HSPA9: variants seen among roughly 807,000 people sequenced by gnomAD.
The protein encoded by HSPA9 is heat shock protein family A (Hsp70) member 9, also known as stress-70 protein, mitochondrial.
HSPA9 carries 28 observed loss-of-function variants against 81.5 expected under a neutral mutation model. That is an observed-to-expected ratio of 0.34 (90% CI 0.25 to 0.47). The LOEUF (loss-of-function observed/expected upper bound fraction) is 0.47, where lower values mean the gene tolerates loss of function less well. Ranked by LOEUF, HSPA9 falls within the 20% of genes least tolerant of loss-of-function variation. The pLI is 1.00. For synonymous variants in HSPA9, 293 were observed against 290.4 expected, an observed-to-expected ratio of 1.01 and a Z score of -0.09; for missense variants, 678 against 838.0, an observed-to-expected ratio of 0.81 and a Z score of 2.36.
chr5:138,563,069 G>A (rs1050049536), intron 9 of HSPA9, among the ~76,000 whole-genome samples: 6 of 152,168 alleles, frequency 3.9e-5, no homozygotes, highest in African/African-American at 1.4e-4. Flanking sequence ...AATAAATAGA[G>A]TTAACACACC....
chr5:138,567,895 C>A (rs1750798839), intron 5 of HSPA9, among the ~76,000 whole-genome samples, 173 bp from the exon 6 acceptor site: 1 of 152,140 alleles, frequency 6.6e-6, no homozygotes. Flanking sequence ...GTTAAAAACC[C>A]AAGATCAGGC....
rs760939341 is a variant in HSPA9 at position 138,575,374 on chromosome 5, T to A, written c.-56A>T. On this transcript the variant is annotated 5_prime_UTR_variant, in exon 1 of 17. Coordinates refer to ENST00000297185, the MANE Select transcript of HSPA9 (RefSeq NM_004134.7). ...AACAAGCGCTCCGACGGCAAAGAGC[T>A]GCGCGATGCGGTGGCGGCAGCGCTT... 48 of 1,434,984 alleles carry A rather than the reference T, an allele frequency of 3.3e-5. No homozygotes were observed. The highest frequency in any genetic ancestry group is 4.5e-5 in the Non-Finnish European group (46 of 1,024,076). 88.9% of individuals were successfully genotyped at this position (1,434,984 alleles called of 1,614,324 possible).
At chr5:138,560,742 G>A (rs942367803) in intron 10 of HSPA9, 8 of 304,966 alleles carry the variant, frequency 2.6e-5, no homozygotes, top group Non-Finnish European at 5.2e-5. Context: ...TAGAGACAGG[G>A]TTTCACCGTG....
At chr5:138,572,015 G>C (rs1750915211) in intron 3 of HSPA9, among the ~76,000 whole-genome samples, 3 of 137,946 alleles carry the variant, frequency 2.2e-5, no homozygotes, top group South Asian at 4.7e-4. Flanking sequence ...GGAGTGCAGT[G>C]GCACTGTCAC....
chr5:138,561,153 T>C (rs571845107), intron 10 of HSPA9: 1 of 450,170 alleles, frequency 2.2e-6, no homozygotes, highest in Admixed American at 2.2e-5. Flanking sequence ...AAGACACATG[T>C]ACAAAGATGG....
At position 138,555,138 on chromosome 5, in the gene HSPA9, T is replaced by G. The variant is rs1209989260; in HGVS notation, c.*899A>C. On this transcript the variant is annotated 3_prime_UTR_variant, in exon 17 of 17. Transcript: ENST00000297185. ...GTACCAAAGGTCTAAGGGGAGAAAA[T>G]AAAATCCTTCAAACAAGATTTGCAC... The G allele has an allele frequency of 6.6e-6, 1 of 152,104 alleles. No individual in the cohort carries two copies. Among genetic ancestry groups the G allele is most frequent in the Non-Finnish European group, 1.5e-5 (1 of 68,008 alleles). 9.4% of individuals were successfully genotyped at this position (152,104 alleles called of 1,614,324 possible).
chr5:138,571,558 C>T (rs528532942), intron 3 of HSPA9, among the ~76,000 whole-genome samples: 1 of 152,034 alleles, frequency 6.6e-6, no homozygotes, highest in African/African-American at 2.4e-5. Flanking sequence ...TGCACATCAA[C>T]AATACTACCG....
intron 10 of HSPA9, 122 bp from the exon 11 acceptor site, chr5:138,560,213 ATGTT>A: frequency 1.4e-6 from 1 of 737,236 alleles, no homozygotes; most frequent in South Asian, 1.5e-5. Context: ...AAATCTGAGA[ATGTT>A]TATTCAAATA....
At chr5:138,574,641 T>C (rs1239683042) in intron 1 of HSPA9, 1 of 168,980 alleles carries the variant, frequency 5.9e-6, no homozygotes, top group Admixed American at 5.8e-5. Context: ...CCTTCCTTAA[T>C]GCCCACATAC....
At chr5:138,559,617 TGGA>T (rs765131670) in intron 11 of HSPA9, 2 of 470,562 alleles carry the variant, frequency 4.3e-6, no homozygotes, top group Non-Finnish European at 3.9e-6. Flanking sequence ...GTTAATCCTG[TGGA>T]GGAGACTACT....
intron 15 of HSPA9, 55 bp from the exon 16 acceptor site, chr5:138,556,647 A>G (rs968003320): frequency 8.7e-5 from 138 of 1,592,434 alleles, no homozygotes; most frequent in Non-Finnish European, 1.2e-4. Flanking sequence ...TACCATTACA[A>G]GTAGAAGTAC....
rs565491425 is a variant in HSPA9, at chr5:138,561,902, G to A, written c.973-113C>T. 2.6e-4 allele frequency: 211 copies of A among 808,054 alleles called. No homozygotes were observed. In the East Asian group the frequency reaches 5.3e-3, roughly 20 times the overall value. 50.1% of individuals were successfully genotyped at this position (808,054 alleles called of 1,614,324 possible). A position where few individuals can be genotyped will look rare whatever the true frequency, so the allele number is the denominator to read the frequency against. On this transcript the variant is annotated intron_variant, in intron 9 of 16. Transcript: ENST00000297185. ...AGGACAGAAGACTTGCAAAACCAAA[G>A]GGAGGGTGAGATCTAATTTAAATGA...
rs780058488 is a variant in HSPA9, at chr5:138,567,639, T to C, written c.609+10A>G. 7.4e-6 allele frequency: 12 copies of C among 1,613,134 alleles called. No individual in the cohort carries two copies. Among genetic ancestry groups the C allele is most frequent in the East Asian group, 6.7e-5 (3 of 44,898 alleles). On this transcript the variant is annotated intron_variant, in intron 6 of 16. Coordinates refer to ENST00000297185, the MANE Select transcript of HSPA9 (RefSeq NM_004134.7). ...TACTTTTTGTGAATAAGAATGCTAATTGACCTCACCTGTCTCTGCGAGTCA... is the reference window on the plus strand; with the variant it reads ...TACTTTTTGTGAATAAGAATGCTAACTGACCTCACCTGTCTCTGCGAGTCA...
At chr5:138,557,250 C>A (rs1361483126) in intron 14 of HSPA9, 152 bp downstream of exon 14, 1 of 692,542 alleles carries the variant, frequency 1.4e-6, no homozygotes, top group Non-Finnish European at 2.7e-6. Flanking sequence ...CAGGCGTGCA[C>A]CACCACGCCC....
intron 7 of HSPA9, 102 bp from the exon 8 acceptor site, chr5:138,567,265 T>C (rs1451917470): frequency 1.9e-5 from 21 of 1,107,920 alleles, no homozygotes; most frequent in Non-Finnish European, 2.4e-5. Flanking sequence ...ATCTAAGCTA[T>C]TTCCCTGAGA....
At chr5:138,560,908 A>ATT (rs10652442) in intron 10 of HSPA9, 16,844 of 335,054 alleles carry the variant, frequency 0.05, 401 homozygotes, top group African/African-American at 0.11. Flanking sequence ...TTCCAGGTTC[A>ATT]TTTTTTTTTT....
Position 138,574,135 on chromosome 5 carries a change from G to GA in HSPA9, c.82-10dup. On this transcript the variant is annotated splice_polypyrimidine_tract_variant and intron_variant, in intron 1 of 16. Transcript: ENST00000297185. ...AGGCCATTCCAGCTATCCTAAAAAA[G>GA]AAAAAACTGACTCAGTCACCAACCA... 7 of 1,610,818 alleles carry GA rather than the reference G, an allele frequency of 4.3e-6. No homozygotes were observed. Among genetic ancestry groups the GA allele is most frequent in the South Asian group, 2.2e-5 (2 of 90,996 alleles).
chr5:138,569,800 A>C (rs900676113), intron 4 of HSPA9, among the ~76,000 whole-genome samples: 4 of 151,838 alleles, frequency 2.6e-5, no homozygotes, highest in Non-Finnish European at 4.4e-5. Context: ...CAGTCTTTCC[A>C]CCTCTGCCTC....
chr5:138,566,787 G>T, intron 8 of HSPA9, 69 bp from the exon 9 acceptor site: 1 of 1,282,960 alleles, frequency 7.8e-7, no homozygotes, highest in Non-Finnish European at 1.1e-6. Flanking sequence ...GCAGTAATAA[G>T]GTGGAACAAC....
Sources: allele counts gnomAD v4.1 joint callset (sites outside exome capture counted in the v4.1 genomes callset), GRCh38; gene constraint gnomAD v4.1.1; transcripts MANE v1.5; gene names NCBI Gene and HGNC (gene_info 2026-07-23, HGNC 2026-07-21).